Variants in AVIL observed in about 807,000 individuals in gnomAD.
The protein encoded by AVIL is advillin.
In AVIL, 78 loss-of-function variants were observed where a neutral mutation model predicts 109.9. The observed-to-expected ratio is 0.71, with a 90% confidence interval of 0.59 to 0.86. The LOEUF (loss-of-function observed/expected upper bound fraction) is 0.86. Ranked by LOEUF, AVIL falls within the 40% of genes least tolerant of loss-of-function variation. The pLI is 0.00. For missense variants in AVIL, 892 were observed against 1,016.5 expected, an observed-to-expected ratio of 0.88 and a Z score of 1.67; for synonymous variants, 367 against 379.1, an observed-to-expected ratio of 0.97 and a Z score of 0.37.
rs771763706 is a variant in AVIL, at chr12:57,802,145, A to C, written c.2151+15T>G. ...CCTGGCAGGAAGTTAGAGCTTCCCT[A>C]CTCTCTTTTCTTACACTCCAAATGT... is the stretch of plus-strand genomic sequence containing the variant. On this transcript the variant is annotated intron_variant, in intron 17 of 19. Transcript: ENST00000549994. The C allele has an allele frequency of 2.5e-6, 4 of 1,612,932 alleles. No homozygotes were observed. The South Asian group carries it at 4.4e-5, about 18-fold the overall frequency.
rs1955977088 is a variant in AVIL, at chr12:57,807,963, G to A, written c.1194+231C>T. 3 of 800,278 alleles carry A rather than the reference G, an allele frequency of 3.7e-6. No homozygotes were observed. In the Admixed American group the frequency reaches 6.0e-5, roughly 16 times the overall value. 49.6% of individuals were successfully genotyped at this position (800,278 alleles called of 1,614,324 possible). On this transcript the variant is annotated intron_variant, in intron 11 of 19. Transcript: ENST00000549994. ...CATGGCTCGGTCTTTGCAAGGCTGA[G>A]CAATGATTTGAATATATCTTCCAGG...
chr12:57,803,476 C>T (rs1955890550), intron 15 of AVIL, 48 bp downstream of exon 15: 1 of 1,613,628 alleles, frequency 6.2e-7, no homozygotes, highest in Admixed American at 1.7e-5. Flanking sequence ...ATTCACAAGC[C>T]TGGCAGGCAG....
At chr12:57,798,768 C>A (rs951015289) in intron 19 of AVIL, among the ~76,000 whole-genome samples, 1 of 152,018 alleles carries the variant, frequency 6.6e-6, no homozygotes, top group Non-Finnish European at 1.5e-5. Context: ...AGGCACCCAC[C>A]ACCACGCCTG....
chr12:57,817,303 A>G (rs1956111187), intron 1 of AVIL, among the ~76,000 whole-genome samples: 2 of 151,244 alleles, frequency 1.3e-5, no homozygotes, highest in African/African-American at 4.9e-5. Flanking sequence ...TAAGAGGAAC[A>G]TGTCTGACCA....
intron 19 of AVIL, among the ~76,000 whole-genome samples, chr12:57,798,805 C>A (rs748587390): frequency 6.6e-6 from 1 of 151,892 alleles, no homozygotes; most frequent in Non-Finnish European, 1.5e-5. Context: ...TTAGTACAGA[C>A]GGGGTTTCAC....
rs137873044 is a variant in AVIL at position 57,810,514 on chromosome 12, C to T, written c.596G>A (p.Arg199Gln). The T allele has an allele frequency of 1.5e-5, 24 of 1,613,946 alleles. No homozygotes were observed. Among genetic ancestry groups the T allele is most frequent in the Admixed American group, 1.7e-5 (1 of 60,004 alleles). Reference sequence around the variant, plus strand: ...CACTCCTATTTTAGCACGGCCCCCTCGCTCCCTGTCTCGAATATCCTTTGC... The same window carrying T: ...CACTCCTATTTTAGCACGGCCCCCTTGCTCCCTGTCTCGAATATCCTTTGC... ...LLAKDIRDRE[R>Q]GGRAKIGVIE... is the part of the protein sequence containing the mutation. Residue 199 changes from arginine (R) to glutamine (Q), a missense_variant, in exon 7 of 20, where the codon CGA becomes CAA. Physicochemically the swap from Arg to Gln is conservative, Grantham distance 43. Transcript: ENST00000549994.
chr12:57,801,931 T>A (rs1955856640), intron 17 of AVIL, among the ~76,000 whole-genome samples: 1 of 152,210 alleles, frequency 6.6e-6, no homozygotes, highest in Non-Finnish European at 1.5e-5. Context: ...TATAAACTGT[T>A]TATACTTCAC....
chr12:57,806,621 A>C (rs1955951770), intron 13 of AVIL, 82 bp from the exon 14 acceptor site: 3 of 1,482,200 alleles, frequency 2.0e-6, no homozygotes, highest in African/African-American at 2.8e-5. Context: ...GGAAACGTGA[A>C]TGTTATAGTA....
intron 2 of AVIL, 111 bp from the exon 3 acceptor site, chr12:57,814,337 A>T (rs1213938030): frequency 1.9e-6 from 2 of 1,059,596 alleles, no homozygotes; most frequent in African/African-American, 1.6e-5. Flanking sequence ...AGGAGGGGAG[A>T]TGTTCTCAAT....
At position 57,807,493 on chromosome 12, in the gene AVIL, C is replaced by T. The variant is rs568104221; in HGVS notation, c.1333-4G>A. 9 of 1,614,240 alleles carry T rather than the reference C, an allele frequency of 5.6e-6. No individual in the cohort carries two copies. The South Asian group carries it at 8.8e-5, about 16-fold the overall frequency. On this transcript the variant is annotated splice_polypyrimidine_tract_variant and splice_region_variant and intron_variant, in intron 12 of 19. Coordinates refer to ENST00000549994, the MANE Select transcript of AVIL (RefSeq NM_006576.4). ...CATCCTGTGAGGCGTGGCGGCCCTG[C>T]AATGGTGAGAGGCCATGAAGGACCC... is the stretch of plus-strand genomic sequence containing the variant.
At position 57,801,167 on chromosome 12, in the gene AVIL, C is replaced by T. The variant is rs373369692; in HGVS notation, c.2197G>A (p.Ala733Thr). Residue 733 changes from alanine (A) to threonine (T), a missense_variant, in exon 18 of 20, where the codon GCT becomes ACT. Ala to Thr is a moderately conservative substitution (Grantham distance 58). Coordinates refer to ENST00000549994, the MANE Select transcript of AVIL (RefSeq NM_006576.4). ...ACAGCAGTGATTCGCATGATAGCAG[C>T]AGCATCTCCCAGCTCTTCTTTTAAT... ...EQLKEELGDA[A>T]AIMRITADMK... The T allele has an allele frequency of 1.9e-5, 31 of 1,613,614 alleles. No individual in the cohort carries two copies. Among genetic ancestry groups the T allele is most frequent in the Non-Finnish European group, 2.5e-5 (30 of 1,179,852 alleles).
rs774542955 is a variant in AVIL, at chr12:57,809,656, C to T, written c.880G>A (p.Val294Met). The change falls in exon 9 of 20, where the codon GTG (valine) becomes ATG (methionine). Residue 294 changes from valine (V) to methionine (M), a missense_variant. Val to Met is a conservative substitution (Grantham distance 21). Coordinates refer to ENST00000549994, the MANE Select transcript of AVIL (RefSeq NM_006576.4). ...TTTGTGGCTCCTTTTCCTTTCCACA[C>T]GTAGATTTTGGTTCCACTTTGGTCC... ...ILDQSGTKIY[V>M]WKGKGATKAE... is the part of the protein sequence containing the mutation. 16 of 1,614,060 alleles carry T rather than the reference C, an allele frequency of 9.9e-6. No individual in the cohort carries two copies. The highest frequency in any genetic ancestry group is 2.7e-5 in the African/African-American group (2 of 74,920).
At position 57,813,416 on chromosome 12, in the gene AVIL, C is replaced by G. The variant is rs1219861594; in HGVS notation, c.149G>C (p.Arg50Thr). Reference sequence around the variant, plus strand: ...GTCCTGGGATAGGAGACTGGCCACTCTCCGGGTCTGGGAGGTAGTCAGAGA... The same window carrying G: ...GTCCTGGGATAGGAGACTGGCCACTGTCCGGGTCTGGGAGGTAGTCAGAGA... The part of the protein sequence containing the change: ...GDCYVILSTR[R>T]VASLLSQDIH... Residue 50 changes from arginine (R) to threonine (T), a missense_variant, in exon 4 of 20, where the codon AGA (arginine) becomes ACA (threonine). Physicochemically the swap from Arg to Thr is moderately conservative, Grantham distance 71. Coordinates refer to ENST00000549994, the MANE Select transcript of AVIL (RefSeq NM_006576.4). 1.9e-6 allele frequency: 3 copies of G among 1,613,596 alleles called. No homozygotes were observed. Among genetic ancestry groups the G allele is most frequent in the Non-Finnish European group, 2.5e-6 (3 of 1,179,856 alleles).
In AVIL at chr12:57,802,337, C is replaced by A. The variant is rs932527653; in HGVS notation, c.1974G>T (p.Trp658Cys). ...CCGTGGCATTGGCCTCAGCCCCAATCCACAAGAACACCTGTTAAGGTGGAG... is the reference window on the plus strand; with the variant it reads ...CCGTGGCATTGGCCTCAGCCCCAATACACAAGAACACCTGTTAAGGTGGAG... ...LLDTWDQVFL[W>C]IGAEANATEK... The change falls in exon 17 of 20, where the codon TGG becomes TGT. Residue 658 changes from tryptophan (W) to cysteine (C), a missense_variant. Physicochemically the swap from Trp to Cys is radical, Grantham distance 215 (BLOSUM62 -2). Transcript: ENST00000549994. 3.1e-6 allele frequency: 5 copies of A among 1,611,586 alleles called. No individual in the cohort carries two copies. The African/African-American group carries it at 4.0e-5, about 13-fold the overall frequency.
In AVIL at chr12:57,808,491, C is replaced by G; in HGVS notation, c.997G>C (p.Gly333Arg). ...TGCTTGAACATGGCCGACTCAGCACCATCGTTGACGGTCTCCACATTGGTG... is the reference window on the plus strand; with the variant it reads ...TGCTTGAACATGGCCGACTCAGCACGATCGTTGACGGTCTCCACATTGGTG... ...SSTNVETVNDGAESAMFKQLF... is the reference protein window; with the variant it reads ...SSTNVETVNDRAESAMFKQLF... The change falls in exon 10 of 20, where the codon GGT becomes CGT. Residue 333 changes from glycine to arginine, a missense_variant. Coordinates refer to ENST00000549994, the MANE Select transcript of AVIL (RefSeq NM_006576.4). The G allele has an allele frequency of 6.2e-7, 1 of 1,614,150 alleles. No homozygotes were observed. Among genetic ancestry groups the G allele is most frequent in the Non-Finnish European group, 8.5e-7 (1 of 1,180,032 alleles).
chr12:57,816,900 C>T (rs1470459079), intron 1 of AVIL, among the ~76,000 whole-genome samples: 1 of 151,830 alleles, frequency 6.6e-6, no homozygotes, highest in Non-Finnish European at 1.5e-5. Flanking sequence ...TTCCTTTTTC[C>T]CTCCCACACA....
chr12:57,810,530 T>C lies in AVIL; in HGVS notation c.580A>G (p.Ile194Val), dbSNP rs928428642. Reference sequence around the variant, plus strand: ...CGGCCCCCTCGCTCCCTGTCTCGAATATCCTTTGCCAGAAGCATAGCCTGT... The same window carrying C: ...CGGCCCCCTCGCTCCCTGTCTCGAACATCCTTTGCCAGAAGCATAGCCTGT... ...RLKAMLLAKDIRDRERGGRAK... is the reference protein window; with the variant it reads ...RLKAMLLAKDVRDRERGGRAK... Residue 194 changes from isoleucine to valine, a missense_variant, in exon 7 of 20, where the codon ATT (isoleucine) becomes GTT (valine). Transcript: ENST00000549994. The C allele has an allele frequency of 4.3e-6, 7 of 1,613,704 alleles. No individual in the cohort carries two copies. The African/African-American group carries it at 5.3e-5, about 12-fold the overall frequency.
rs114657677 is a variant in AVIL, at chr12:57,808,321, G to A, written c.1094-27C>T. On this transcript the variant is annotated intron_variant, in intron 10 of 19. Transcript: ENST00000549994. ...TGTGGAGAAAGGGTTGGGAAAAGCC[G>A]AGTGAGTAAGAAGCATCTGTGCCTG... 6.8e-4 allele frequency: 1,098 copies of A among 1,614,092 alleles called. 5 individuals are homozygous for A. The African/African-American group carries it at 0.013, about 19-fold the overall frequency.
intron 7 of AVIL, 65 bp downstream of exon 7, chr12:57,810,284 G>C: frequency 6.5e-7 from 1 of 1,549,016 alleles, no homozygotes; most frequent in East Asian, 2.3e-5. Flanking sequence ...AGAGGTGGCT[G>C]GTGTTCTAGG....
Sources: allele counts gnomAD v4.1 joint callset (sites outside exome capture counted in the v4.1 genomes callset), GRCh38; gene constraint gnomAD v4.1.1; transcripts MANE v1.5; gene names NCBI Gene and HGNC (gene_info 2026-07-23, HGNC 2026-07-21).